LRRK1: variants seen among roughly 807,000 people sequenced by gnomAD.
LRRK1 encodes the protein leucine rich repeat kinase 1, also known as leucine-rich repeat serine/threonine-protein kinase 1.
In LRRK1, 113 loss-of-function variants were observed where a neutral mutation model predicts 209.1. The ratio of observed to expected loss-of-function variants is 0.54; its 90% CI spans 0.46 to 0.63. LRRK1 has a LOEUF of 0.63. Ranked by LOEUF, LRRK1 falls within the 30% of genes least tolerant of loss-of-function variation. The pLI, the probability that LRRK1 is intolerant of heterozygous loss-of-function variation, is 0.00. For missense variants in LRRK1, 2,284 were observed against 2,632.2 expected, an observed-to-expected ratio of 0.87 and a Z score of 2.89; for synonymous variants, 1,144 against 1,099.7, an observed-to-expected ratio of 1.04 and a Z score of -0.80.
intron 2 of LRRK1, among the ~76,000 whole-genome samples, chr15:100,962,575 G>T (rs1226092657): frequency 6.6e-6 from 1 of 151,392 alleles, no homozygotes; most frequent in Non-Finnish European, 1.5e-5. Context: ...CATTTCATCT[G>T]CTGAAGGGGA....
At chr15:100,999,690 G>A (rs549804143) in intron 6 of LRRK1, among the ~76,000 whole-genome samples, 1 of 152,304 alleles carries the variant, frequency 6.6e-6, no homozygotes, top group South Asian at 2.1e-4. Context: ...TATTGAATTA[G>A]GAGACTTGGG....
intron 20 of LRRK1, among the ~76,000 whole-genome samples, chr15:101,038,371 TA>T (rs1321650555): frequency 6.6e-6 from 1 of 152,128 alleles, no homozygotes; most frequent in Non-Finnish European, 1.5e-5. Flanking sequence ...CTATTGAAAT[TA>T]AAAATTAAAA....
In LRRK1 at chr15:100,991,108, C is replaced by G. The variant is rs147671812; in HGVS notation, c.762+1710C>G. Among the ~76,000 whole-genome samples, 1,180 of 152,316 alleles carry G rather than the reference C, an allele frequency of 7.7e-3. 16 individuals carry two copies. The highest frequency in any genetic ancestry group is 0.027 in the African/African-American group (1,134 of 41,570). On this transcript the variant is annotated intron_variant, in intron 6 of 33. Coordinates refer to ENST00000388948, the MANE Select transcript of LRRK1 (RefSeq NM_024652.6). ...TTTAAAATGAAGTTTTCTTTCTCAT[C>G]TGAATTGAGATGTCACCATTGGCAT...
intron 17 of LRRK1, among the ~76,000 whole-genome samples, chr15:101,026,523 G>A (rs770507192): frequency 2.0e-5 from 3 of 152,230 alleles, no homozygotes; most frequent in African/African-American, 4.8e-5. Context: ...TTGGGTCTGA[G>A]TGGTCCTGAT....
At chr15:101,029,724 C>T (rs188395023) in intron 20 of LRRK1, among the ~76,000 whole-genome samples, 2 of 151,960 alleles carry the variant, frequency 1.3e-5, no homozygotes, top group Admixed American at 6.6e-5. Context: ...AAAAATTAGC[C>T]GGGCATGGTG....
At position 101,022,076 on chromosome 15, in the gene LRRK1, A is replaced by G; in HGVS notation, c.1852+119A>G. On this transcript the variant is annotated intron_variant, in intron 14 of 33. Coordinates refer to ENST00000388948, the MANE Select transcript of LRRK1 (RefSeq NM_024652.6). The surrounding 1 kb of genome is among the most constrained non-coding windows in gnomAD (Gnocchi z 4.0). ...CCCATGGAGCCCAGCTCCAGGTTCC[A>G]GATTTGACAAGATGCTATAAAATTG... is the stretch of plus-strand genomic sequence containing the variant. 1.4e-6 allele frequency: 1 copy of G among 691,996 alleles called. No individual in the cohort carries two copies. Among genetic ancestry groups the G allele is most frequent in the East Asian group, 2.7e-5 (1 of 37,494 alleles). 42.9% of individuals were successfully genotyped at this position (691,996 alleles called of 1,614,324 possible).
chr15:100,941,365 T>TGC (rs2042414847), intron 2 of LRRK1, among the ~76,000 whole-genome samples: 1 of 133,826 alleles, frequency 7.5e-6, no homozygotes, highest in African/African-American at 3.0e-5. Flanking sequence ...TGTGTGTGTG[T>TGC]GCCTGTATGT....
chr15:101,051,847 CTG>C lies in LRRK1; in HGVS notation c.3580_3581del (p.Val1194ProfsTer27). 1 of 1,614,180 alleles carries C rather than the reference CTG, an allele frequency of 6.2e-7. No homozygotes were observed. The highest frequency in any genetic ancestry group is 1.3e-5 in the African/African-American group (1 of 75,068). On this transcript the variant is annotated frameshift_variant, in exon 24 of 34. Coordinates refer to ENST00000388948, the MANE Select transcript of LRRK1 (RefSeq NM_024652.6). LOFTEE classifies it high-confidence loss of function. ...ATGTGCAGTACTTCGACATGGAAGA[CTG>C]TGTCCTGACGGCCATCGAGCGGGAC... is the stretch of plus-strand genomic sequence containing the variant. The part of the protein sequence containing the change: ...EDVQYFDMED[C>X]VLTAIERDFI...
intron 11 of LRRK1, 23 bp downstream of exon 11, chr15:101,014,451 T>C (rs772083457): frequency 6.6e-7 from 1 of 1,525,880 alleles, no homozygotes; most frequent in South Asian, 1.1e-5. Flanking sequence ...CTCTCCTCCC[T>C]GGCCAGTTCC....
rs1277536993 is a variant in LRRK1 at position 101,070,828 on chromosome 15, C to T, written c.*1980C>T. 2 of 150,814 alleles carry T rather than the reference C, an allele frequency of 1.3e-5. No individual in the cohort carries two copies. Among genetic ancestry groups the T allele is most frequent in the Admixed American group, 6.6e-5 (1 of 15,130 alleles). 9.3% of individuals were successfully genotyped at this position (150,814 alleles called of 1,614,324 possible). On this transcript the variant is annotated 3_prime_UTR_variant, in exon 34 of 34. Coordinates refer to ENST00000388948, the MANE Select transcript of LRRK1 (RefSeq NM_024652.6). ...AAAAATACAGGAAATGACTAATGAA[C>T]TTGACTCCATGAAATTGAAACTTAC...
chr15:100,947,130 TTG>T (rs1446347453), intron 2 of LRRK1, among the ~76,000 whole-genome samples: 6 of 152,044 alleles, frequency 3.9e-5, no homozygotes, highest in African/African-American at 1.4e-4. Flanking sequence ...GCTAATTTTT[TTG>T]TATTTTAGTA....
chr15:100,926,607 G>T (rs533831640), intron 2 of LRRK1, among the ~76,000 whole-genome samples: 1 of 142,594 alleles, frequency 7.0e-6, no homozygotes, highest in Admixed American at 7.0e-5. Context: ...GCAGGGGGGC[G>T]GGGAGTGAAC....
At chr15:101,028,725 G>A (rs2034151779) in intron 19 of LRRK1, among the ~76,000 whole-genome samples, 1 of 152,248 alleles carries the variant, frequency 6.6e-6, no homozygotes, top group Admixed American at 6.5e-5. Flanking sequence ...TGAGGATCAA[G>A]TGTAGTTACC....
At chr15:101,018,648 C>T (rs1030201156) in intron 12 of LRRK1, among the ~76,000 whole-genome samples, 3 of 152,296 alleles carry the variant, frequency 2.0e-5, no homozygotes, top group East Asian at 1.9e-4. Context: ...GGACTACGCG[C>T]GGTACCAATG....
chr15:101,067,425 G>A, intron 33 of LRRK1: 2 of 50,926 alleles, frequency 3.9e-5, no homozygotes, highest in Non-Finnish European at 1.0e-4. Flanking sequence ...GTTCAAATGT[G>A]TGTGTGTGTG....
chr15:100,982,876 A>G (rs953036665), intron 3 of LRRK1, among the ~76,000 whole-genome samples: 1 of 152,254 alleles, frequency 6.6e-6, no homozygotes, highest in African/African-American at 2.4e-5. Flanking sequence ...ACATGTATAT[A>G]TCATATTTTC....
At chr15:101,062,796 C>T (rs1042886996) in intron 31 of LRRK1, 106 bp downstream of exon 31, 4 of 808,838 alleles carry the variant, frequency 4.9e-6, no homozygotes, top group Non-Finnish European at 8.8e-6. Context: ...ACACCTAGGA[C>T]CACCTGGCCT....
intron 20 of LRRK1, among the ~76,000 whole-genome samples, chr15:101,039,597 T>C (rs2141114662): frequency 6.6e-6 from 1 of 152,320 alleles, no homozygotes. Context: ...CCTGATTGCA[T>C]TGGCTCGGAT....
intron 2 of LRRK1, among the ~76,000 whole-genome samples, chr15:100,927,640 G>A (rs1454978161): frequency 6.6e-6 from 1 of 152,210 alleles, no homozygotes; most frequent in Non-Finnish European, 1.5e-5. Context: ...GAGTTGAAGA[G>A]GAGAGGAAGA....
Sources: allele counts gnomAD v4.1 joint callset (sites outside exome capture counted in the v4.1 genomes callset), GRCh38; gene constraint gnomAD v4.1.1; non-coding constraint Gnocchi (gnomAD v3.1); transcripts MANE v1.5; gene names NCBI Gene and HGNC (gene_info 2026-07-23, HGNC 2026-07-21).